TMCO5A: variants seen among roughly 807,000 people sequenced by gnomAD.
The protein encoded by TMCO5A is transmembrane and coiled-coil domain-containing protein 5A.
A neutral mutation model predicts 42.3 loss-of-function variants in TMCO5A; 34 were observed. The ratio of observed to expected loss-of-function variants is 0.80; its 90% CI spans 0.61 to 1.07. TMCO5A has a LOEUF of 1.07. TMCO5A is among the 50% of genes least tolerant of loss of function. The pLI, the probability that TMCO5A is intolerant of heterozygous loss-of-function variation, is 0.00. For missense variants in TMCO5A, 357 were observed against 327.9 expected, an observed-to-expected ratio of 1.09 and a Z score of -0.69; for synonymous variants, 131 against 115.6, an observed-to-expected ratio of 1.13 and a Z score of -0.86.
the TMCO5A span, among the ~76,000 whole-genome samples, chr15:38,016,589 G>T: frequency 2.0e-5 from 3 of 152,162 alleles, no homozygotes; most frequent in Non-Finnish European, 4.4e-5. Flanking sequence ...AGCACCTACG[G>T]TAACTTCCAG....
At chr15:38,025,264 A>T in the TMCO5A span, among the ~76,000 whole-genome samples, 3 of 151,778 alleles carry the variant, frequency 2.0e-5, no homozygotes, top group East Asian at 5.8e-4. Context: ...TTTCTCTCTT[A>T]TTATAATAGA....
At chr15:37,966,749 C>T in exon 12 of TMCO5A, 1 of 701,384 alleles carries the variant, frequency 1.4e-6, no homozygotes, top group South Asian at 1.5e-5. Context: ...CAGAAAAGGT[C>T]ATAAACTGGC....
the TMCO5A span, among the ~76,000 whole-genome samples, chr15:38,011,539 A>G: frequency 6.6e-6 from 1 of 152,196 alleles, no homozygotes; most frequent in Non-Finnish European, 1.5e-5. Flanking sequence ...TATCCAGAAT[A>G]GTTACCTGCA....
chr15:37,952,736 G>A (rs77298928), downstream of TMCO5A, among the ~76,000 whole-genome samples: 2,635 of 152,318 alleles, frequency 0.017, 45 homozygotes, highest in Middle Eastern at 0.058. Context: ...TCACAGTGAG[G>A]TAGAGCACAG....
At chr15:37,989,950 T>C in the TMCO5A span, among the ~76,000 whole-genome samples, 1,064 of 152,224 alleles carry the variant, frequency 7.0e-3, 10 homozygotes, top group African/African-American at 0.025. Flanking sequence ...GCCAAGTTCC[T>C]AGCACATAAA....
chr15:38,011,877 C>T, the TMCO5A span, among the ~76,000 whole-genome samples: 1 of 152,092 alleles, frequency 6.6e-6, no homozygotes, highest in Non-Finnish European at 1.5e-5. Flanking sequence ...GTAATCCCAA[C>T]ATTTTGGGAG....
downstream of TMCO5A, among the ~76,000 whole-genome samples, chr15:37,968,582 C>CTTTTTTTT (rs61091144): frequency 7.6e-6 from 1 of 131,156 alleles, no homozygotes. Context: ...TTCTACATTT[C>CTTTTTTTT]TTTTTTTTTT....
chr15:37,959,557 C>T (rs1890371302), intron 11 of TMCO5A, among the ~76,000 whole-genome samples: 1 of 151,918 alleles, frequency 6.6e-6, no homozygotes, highest in South Asian at 2.1e-4. Context: ...CAATGTGATT[C>T]ATTATATCAA....
the TMCO5A span, among the ~76,000 whole-genome samples, chr15:38,023,190 A>T: frequency 2.6e-5 from 4 of 152,060 alleles, no homozygotes; most frequent in African/African-American, 4.8e-5. Flanking sequence ...AAAATAGACA[A>T]ATTGATCATG....
chr15:37,991,954 G>A, the TMCO5A span, among the ~76,000 whole-genome samples: 1 of 152,076 alleles, frequency 6.6e-6, no homozygotes, highest in African/African-American at 2.4e-5. Flanking sequence ...ACTGGCAAAG[G>A]TTTCATGATG....
chr15:38,032,463 G>A, the TMCO5A span, among the ~76,000 whole-genome samples: 1 of 152,178 alleles, frequency 6.6e-6, no homozygotes, highest in South Asian at 2.1e-4. Flanking sequence ...GGGCAAAACA[G>A]GCATTATTCT....
At chr15:37,995,219 C>CCA in the TMCO5A span, among the ~76,000 whole-genome samples, 1 of 152,160 alleles carries the variant, frequency 6.6e-6, no homozygotes, top group East Asian at 1.9e-4. Flanking sequence ...AAAGGAAAGA[C>CCA]CACTACAGAG....
At chr15:37,983,561 A>G in the TMCO5A span, among the ~76,000 whole-genome samples, 8 of 152,200 alleles carry the variant, frequency 5.3e-5, no homozygotes, top group Non-Finnish European at 1.2e-4. Flanking sequence ...AGAACTAGGC[A>G]CCAGAGGGAC....
the TMCO5A span, among the ~76,000 whole-genome samples, chr15:38,023,158 G>A: frequency 6.1e-4 from 93 of 152,272 alleles, no homozygotes; most frequent in East Asian, 0.017. Flanking sequence ...AACAGTAATC[G>A]AAGCAGTGTG....
At chr15:37,941,538 AG>A in intron 7 of TMCO5A, 132 bp from the exon 8 acceptor site, 1 of 743,942 alleles carries the variant, frequency 1.3e-6, no homozygotes, top group Non-Finnish European at 2.3e-6. Flanking sequence ...TTATCTGTAC[AG>A]CAAAAAAGAA....
At chr15:37,961,670 T>C (rs1253743800) in intron 11 of TMCO5A, among the ~76,000 whole-genome samples, 1 of 152,158 alleles carries the variant, frequency 6.6e-6, no homozygotes, top group Non-Finnish European at 1.5e-5. Context: ...TCCGTGAGCA[T>C]GGGATGTGTT....
the TMCO5A span, among the ~76,000 whole-genome samples, chr15:38,010,425 TCACACACACACACACA>T: frequency 8.5e-6 from 1 of 117,442 alleles, no homozygotes; most frequent in African/African-American, 3.2e-5. Flanking sequence ...CAGAGGGAGA[TCACACACACACACACA>T]CACACACACA....
At chr15:37,972,160 C>T (rs1399277405), downstream of TMCO5A, among the ~76,000 whole-genome samples, 1 of 152,172 alleles carries the variant, frequency 6.6e-6, no homozygotes, top group Non-Finnish European at 1.5e-5. Flanking sequence ...GGAGGCCTCA[C>T]AATTACAGCA....
the TMCO5A span, among the ~76,000 whole-genome samples, chr15:38,003,891 C>T: frequency 5.3e-5 from 8 of 152,236 alleles, no homozygotes; most frequent in East Asian, 1.9e-4. Flanking sequence ...TGCTCTACAC[C>T]GCTGAGTAGA....
Sources: gnomAD v4.1 joint callset for allele counts (sites outside exome capture counted in the v4.1 genomes callset) on GRCh38, gnomAD v4.1.1 for gene constraint, MANE v1.5 for transcripts, NCBI Gene and HGNC (gene_info 2026-07-23, HGNC 2026-07-21) for gene names.